Variants in PTPRD observed in about 807,000 individuals in gnomAD.
PTPRD encodes receptor-type tyrosine-protein phosphatase delta.
PTPRD carries 34 observed loss-of-function variants against 214.5 expected under a neutral mutation model. That is an observed-to-expected ratio of 0.16 (90% CI 0.12 to 0.21). The LOEUF (loss-of-function observed/expected upper bound fraction) is 0.21. PTPRD is among the 10% of genes least tolerant of loss of function. The pLI is 1.00. For missense variants in PTPRD, 2,545 were observed against 2,398.7 expected (o/e 1.06, Z -1.27); for synonymous variants, 1,128 against 845.7 (o/e 1.33, Z -5.79).
chr9:8,868,050 T>C (rs1201202884), intron 11 of PTPRD, among the ~76,000 whole-genome samples: 1 of 152,162 alleles, frequency 6.6e-6, no homozygotes, highest in Non-Finnish European at 1.5e-5. Context: ...AGTCCAAATG[T>C]TTGGACTTGC....
At chr9:10,342,509 A>C (rs1233220955) in intron 2 of PTPRD, among the ~76,000 whole-genome samples, 1 of 152,080 alleles carries the variant, frequency 6.6e-6, no homozygotes, top group African/African-American at 2.4e-5. Context: ...TTTATATAAC[A>C]ACTAATTATA....
intron 3 of PTPRD, among the ~76,000 whole-genome samples, chr9:10,144,159 T>C (rs1253577669): frequency 6.6e-6 from 1 of 152,066 alleles, no homozygotes; most frequent in African/African-American, 2.4e-5. Context: ...ATTGTCAACA[T>C]TTTCACAAAT....
chr9:9,161,861 T>C (rs2099889881), intron 10 of PTPRD, among the ~76,000 whole-genome samples: 1 of 152,058 alleles, frequency 6.6e-6, no homozygotes, highest in African/African-American at 2.4e-5. Context: ...TACACATATA[T>C]ATATATATTT....
intron 14 of PTPRD, among the ~76,000 whole-genome samples, chr9:8,541,678 T>TTGTGTTTGTG (rs1231784425): frequency 6.6e-6 from 1 of 151,800 alleles, no homozygotes; most frequent in African/African-American, 2.4e-5. Context: ...TTGTGTTTGT[T>TTGTGTTTGTG]TGTGTTTGTG....
intron 14 of PTPRD, among the ~76,000 whole-genome samples, chr9:8,579,824 A>G (rs890895496): frequency 6.6e-6 from 1 of 152,154 alleles, no homozygotes; most frequent in Non-Finnish European, 1.5e-5. Context: ...AGTATGTTAG[A>G]TGGAAACGGA....
At chr9:8,617,826 G>T (rs761537106) in intron 14 of PTPRD, among the ~76,000 whole-genome samples, 1 of 152,110 alleles carries the variant, frequency 6.6e-6, no homozygotes. Context: ...TCTTGTAAAA[G>T]TTGCCATTGA....
chr9:9,302,733 C>T (rs904464406), intron 9 of PTPRD, among the ~76,000 whole-genome samples: 1 of 148,458 alleles, frequency 6.7e-6, no homozygotes, highest in East Asian at 2.0e-4. Flanking sequence ...TTACCTTTTT[C>T]CTTTGAAGCC....
At chr9:9,645,774 A>C (rs1490563279) in intron 7 of PTPRD, among the ~76,000 whole-genome samples, 1 of 152,082 alleles carries the variant, frequency 6.6e-6, no homozygotes, top group East Asian at 1.9e-4. Flanking sequence ...CCATTTTAAC[A>C]TTCATATCTT....
At chr9:8,425,800 T>G (rs963848906) in intron 35 of PTPRD, among the ~76,000 whole-genome samples, 19 of 152,166 alleles carry the variant, frequency 1.2e-4, no homozygotes, top group Admixed American at 1.2e-3. Flanking sequence ...ACAAAGAAAC[T>G]GAGATCAGGA....
At position 8,715,511 on chromosome 9, in the gene PTPRD, C is replaced by G. The variant is rs923742328; in HGVS notation, c.64+18269G>C. Among the ~76,000 whole-genome samples the G allele has an allele frequency of 2.0e-5, 3 of 152,118 alleles. No individual in the cohort carries two copies. In the East Asian group the frequency reaches 5.8e-4, roughly 29 times the overall value. ...GCTCAGAGAGGTTAACAAACTTGACCAAGACCACTTATCCAGTAAATAGCA... is the reference window on the plus strand; with the variant it reads ...GCTCAGAGAGGTTAACAAACTTGACGAAGACCACTTATCCAGTAAATAGCA... On this transcript the variant is annotated intron_variant, in intron 12 of 45. Transcript: ENST00000381196.
chr9:8,865,881 G>A (rs1157679430), intron 11 of PTPRD, among the ~76,000 whole-genome samples: 1 of 152,108 alleles, frequency 6.6e-6, no homozygotes, highest in African/African-American at 2.4e-5. Context: ...AGAGTCTAAC[G>A]GGAGTGGATG....
intron 9 of PTPRD, among the ~76,000 whole-genome samples, chr9:9,256,544 C>A (rs558917987): frequency 9.9e-5 from 15 of 151,888 alleles, no homozygotes; most frequent in Non-Finnish European, 1.9e-4. Context: ...CTCAGGAGGA[C>A]CCTTTAAAGT....
intron 11 of PTPRD, among the ~76,000 whole-genome samples, chr9:8,787,461 T>G (rs2096033481): frequency 6.6e-6 from 1 of 152,208 alleles, no homozygotes; most frequent in Non-Finnish European, 1.5e-5. Flanking sequence ...TTTCCCCCAG[T>G]TGACATGTAT....
chr9:9,469,476 C>T (rs2094444672), intron 8 of PTPRD, among the ~76,000 whole-genome samples: 1 of 152,144 alleles, frequency 6.6e-6, no homozygotes, highest in South Asian at 2.1e-4. Context: ...AACCCATCTA[C>T]TGAGCTTGAG....
chr9:9,772,871 A>C (rs2098763926), intron 5 of PTPRD, among the ~76,000 whole-genome samples: 1 of 152,156 alleles, frequency 6.6e-6, no homozygotes, highest in South Asian at 2.1e-4. Flanking sequence ...CACTTCTAGG[A>C]ATCTCTCAAA....
intron 5 of PTPRD, among the ~76,000 whole-genome samples, chr9:9,857,073 G>A (rs1001973846): frequency 1.3e-5 from 2 of 152,028 alleles, no homozygotes; most frequent in African/African-American, 4.8e-5. Flanking sequence ...GCTTTGTGCG[G>A]GCCCCGGGGC....
At chr9:10,001,784 A>C (rs1260555463) in intron 4 of PTPRD, among the ~76,000 whole-genome samples, 2 of 152,144 alleles carry the variant, frequency 1.3e-5, no homozygotes, top group Admixed American at 1.3e-4. Flanking sequence ...CCCTATGAGA[A>C]ATACTAACTG....
At chr9:10,392,744 G>GA (rs756697237) in intron 2 of PTPRD, among the ~76,000 whole-genome samples, 6 of 151,772 alleles carry the variant, frequency 4.0e-5, no homozygotes, top group African/African-American at 1.2e-4. Context: ...GGAGTTCACT[G>GA]AAAAAACAGA....
intron 11 of PTPRD, among the ~76,000 whole-genome samples, chr9:8,746,152 G>A (rs6477340): frequency 0.06 from 9,053 of 151,804 alleles, 712 homozygotes; most frequent in African/African-American, 0.18. Context: ...TTGAGTAATT[G>A]TGACAAGGTG....
Sources: gnomAD v4.1 joint callset for allele counts (sites outside exome capture counted in the v4.1 genomes callset) on GRCh38, gnomAD v4.1.1 for gene constraint, MANE v1.5 for transcripts, NCBI Gene and HGNC (gene_info 2026-07-23, HGNC 2026-07-21) for gene names.